FAM20C: variants seen among roughly 807,000 people sequenced by gnomAD.
FAM20C encodes the protein FAM20C golgi associated secretory pathway kinase.
FAM20C carries 40 observed loss-of-function variants against 51.5 expected under a neutral mutation model. That is an observed-to-expected ratio of 0.78 (90% CI 0.60 to 1.01). FAM20C has a LOEUF of 1.01. Among genes scored for constraint, FAM20C ranks in the 50% least tolerant of loss-of-function variants. The pLI is 0.00. For synonymous variants in FAM20C, 406 were observed against 380.6 expected, an observed-to-expected ratio of 1.07 and a Z score of -0.78; for missense variants, 861 against 844.7, an observed-to-expected ratio of 1.02 and a Z score of -0.24.
At chr7:246,902 G>A (rs530706553) in intron 4 of FAM20C, among the ~76,000 whole-genome samples, 3 of 152,280 alleles carry the variant, frequency 2.0e-5, no homozygotes, top group African/African-American at 4.8e-5. Flanking sequence ...CCGAGGGAGA[G>A]GGCGCCTGCC....
intron 3 of FAM20C, among the ~76,000 whole-genome samples, chr7:229,723 C>T (rs1321590570): frequency 1.3e-5 from 2 of 152,232 alleles, no homozygotes; most frequent in East Asian, 3.8e-4. Flanking sequence ...GAGCCCCGCA[C>T]CTTCCAGAGC....
At chr7:233,879 C>G (rs1315161681) in intron 3 of FAM20C, among the ~76,000 whole-genome samples, 2 of 152,224 alleles carry the variant, frequency 1.3e-5, no homozygotes, top group African/African-American at 2.4e-5. Context: ...ATTAGTACAC[C>G]TCCTGTGTTG....
intron 2 of FAM20C, 135 bp downstream of exon 2, chr7:195,867 T>C: frequency 3.5e-6 from 3 of 865,944 alleles, no homozygotes; most frequent in Non-Finnish European, 4.6e-6. Context: ...TGCAGCAATC[T>C]GCACGGGCAG....
In FAM20C at chr7:257,892, GGA is replaced by G. The variant is rs1788668307; in HGVS notation, c.1446-753_1446-752del. On this transcript the variant is annotated intron_variant, in intron 8 of 9. Transcript: ENST00000313766. ...TGGGGCTGGGTGGACCCACTGCCCA[GGA>G]TGCTGGAGATGGGCTGGGTGGACAC... Among the ~76,000 whole-genome samples the G allele has an allele frequency of 5.1e-5, 7 of 137,202 alleles. 1 individual carries two copies. Among genetic ancestry groups the G allele is most frequent in the African/African-American group, 2.1e-4 (7 of 32,620 alleles). The allele number at this position is 137,202 out of a possible 152,430, so 90.0% of individuals were successfully genotyped here.
At chr7:224,217 T>A (rs1212633196) in intron 3 of FAM20C, among the ~76,000 whole-genome samples, 1 of 138,366 alleles carries the variant, frequency 7.2e-6, no homozygotes, top group Admixed American at 7.0e-5. Flanking sequence ...GGCTGTCCCC[T>A]GAGCCTTCTC....
chr7:200,597 T>C lies in FAM20C; in HGVS notation c.784+4865T>C, dbSNP rs74917011. The stretch of plus-strand genomic sequence containing the variant: ...GATGCGCACCTGCCGACTTTCCTTC[T>C]GATGCAGACATGGTCCCCACTGGGG... On this transcript the variant is annotated intron_variant, in intron 2 of 9. Transcript: ENST00000313766. Among the ~76,000 whole-genome samples, 411 of 152,342 alleles carry C rather than the reference T, an allele frequency of 2.7e-3. 12 individuals are homozygous for C. The East Asian group carries it at 0.074, about 27-fold the overall frequency.
chr7:195,498 C>G, intron 1 of FAM20C, 56 bp from the exon 2 acceptor site: 2 of 1,379,918 alleles, frequency 1.4e-6, no homozygotes, highest in Non-Finnish European at 1.9e-6. Context: ...TCCCCGTCAT[C>G]CGACTCACGG....
chr7:255,084 TTTCTC>T (rs1788539368), intron 5 of FAM20C, among the ~76,000 whole-genome samples: 1 of 152,202 alleles, frequency 6.6e-6, no homozygotes. Flanking sequence ...ATAGAAATGT[TTTCTC>T]TTCTCTTAGG....
At chr7:250,452 G>A (rs546042048) in intron 5 of FAM20C, among the ~76,000 whole-genome samples, 11 of 152,188 alleles carry the variant, frequency 7.2e-5, no homozygotes, top group South Asian at 4.2e-4. Flanking sequence ...GAACCTGAGC[G>A]TGGGGGTCTT....
chr7:213,069 G>A (rs1002250994), intron 3 of FAM20C, among the ~76,000 whole-genome samples: 13 of 152,248 alleles, frequency 8.5e-5, no homozygotes, highest in East Asian at 3.8e-4. Context: ...CACGCACTGC[G>A]TAGTCCTTTG....
chr7:256,859 G>A lies in FAM20C; in HGVS notation c.1363+96G>A, dbSNP rs376826867. The A allele has an allele frequency of 1.9e-4, 265 of 1,430,840 alleles. No individual in the cohort carries two copies. The African/African-American group carries it at 3.2e-3, about 17-fold the overall frequency. The allele number at this position is 1,430,840 out of a possible 1,614,324, so 88.6% of individuals were successfully genotyped here. On this transcript the variant is annotated intron_variant, in intron 7 of 9. Coordinates refer to ENST00000313766, the MANE Select transcript of FAM20C (RefSeq NM_020223.4). ...CAGGGCACACTCCGTGGCACGGCCC[G>A]GCTGCGGTCCTGTGGCCTGTGAAGG...
rs543250603 is a variant in FAM20C at position 193,887 on chromosome 7, G to A, written c.605+83G>A. On this transcript the variant is annotated intron_variant, in intron 1 of 9. Transcript: ENST00000313766. ...GTAGAGAGGTTCAGGGGCCCCAGAGGGCCGCCCCCCATGGAAGAGGCCGGG... is the reference window on the plus strand; with the variant it reads ...GTAGAGAGGTTCAGGGGCCCCAGAGAGCCGCCCCCCATGGAAGAGGCCGGG... 1.6e-4 allele frequency: 227 copies of A among 1,456,444 alleles called. 1 individual carries two copies. In the East Asian group the frequency reaches 4.6e-3, roughly 29 times the overall value. 90.2% of individuals were successfully genotyped at this position (1,456,444 alleles called of 1,614,324 possible).
Position 260,038 on chromosome 7 carries a change from A to C in FAM20C, c.*58A>C, listed in dbSNP as rs1788820467. The C allele has an allele frequency of 2.8e-6, 4 of 1,448,230 alleles. No individual in the cohort carries two copies. In the South Asian group the frequency reaches 5.6e-5, roughly 20 times the overall value. The allele number at this position is 1,448,230 out of a possible 1,614,324, so 89.7% of individuals were successfully genotyped here. On this transcript the variant is annotated 3_prime_UTR_variant, in exon 10 of 10. Transcript: ENST00000313766. ...GACAGAGGCGCCGGACCTCCCAGCA[A>C]GCGCATGCGCCCGTCGTGAATTCAG...
intron 3 of FAM20C, chr7:227,558 G>A (rs796508891): frequency 2.4e-4 from 20 of 83,784 alleles, no homozygotes; most frequent in African/African-American, 9.0e-4. Flanking sequence ...TGGTTTAGTA[G>A]TTAGTAGCAG....
chr7:193,932 G>A, intron 1 of FAM20C, 128 bp downstream of exon 1: 1 of 1,340,192 alleles, frequency 7.5e-7, no homozygotes, highest in East Asian at 2.9e-5. Context: ...TGGTGCGGGA[G>A]GAGGCAGCCG....
chr7:256,821 A>G, intron 7 of FAM20C, 58 bp downstream of exon 7: 1 of 1,492,398 alleles, frequency 6.7e-7, no homozygotes, highest in Non-Finnish European at 9.0e-7. Context: ...GAGCGGATGC[A>G]CGCAGGGCTC....
chr7:219,453 C>T (rs1331271401), intron 3 of FAM20C, among the ~76,000 whole-genome samples: 1 of 151,762 alleles, frequency 6.6e-6, no homozygotes, highest in African/African-American at 2.4e-5. Context: ...GGGACAGCAA[C>T]GCCCAGCCAG....
chr7:208,113 C>T (rs974715018), intron 2 of FAM20C, among the ~76,000 whole-genome samples: 15 of 152,300 alleles, frequency 9.8e-5, no homozygotes, highest in African/African-American at 3.4e-4. Flanking sequence ...GGAGGTGCCA[C>T]TCCCCGTTCT....
chr7:246,175 C>T (rs1421088424), intron 3 of FAM20C: 4 of 482,480 alleles, frequency 8.3e-6, no homozygotes, highest in Admixed American at 3.3e-5. Flanking sequence ...GAGGGCCCGT[C>T]GGCAGCTGGG....
Sources: allele counts gnomAD v4.1 joint callset (sites outside exome capture counted in the v4.1 genomes callset), GRCh38; gene constraint gnomAD v4.1.1; transcripts MANE v1.5; gene names NCBI Gene and HGNC (gene_info 2026-07-23, HGNC 2026-07-21).